The following TEAD1 variants were observed in gnomAD, a reference collection of about 807,000 sequenced individuals.
TEAD1 encodes the protein TEA domain transcription factor 1, also known as transcriptional enhancer factor TEF-1.
A neutral mutation model predicts 54.9 loss-of-function variants in TEAD1; 9 were observed. That is an observed-to-expected ratio of 0.16 (90% CI 0.10 to 0.29). TEAD1 has a LOEUF of 0.29. TEAD1 is among the 10% of genes least tolerant of loss of function. The pLI is 1.00. For synonymous variants in TEAD1, 200 were observed against 187.8 expected (o/e 1.07, Z -0.53); for missense variants, 387 against 535.9 (o/e 0.72, Z 2.74).
chr11:12,808,467 A>G (rs1946224792), intron 3 of TEAD1, among the ~76,000 whole-genome samples: 1 of 152,078 alleles, frequency 6.6e-6, no homozygotes, highest in Non-Finnish European at 1.5e-5. Flanking sequence ...CCTCTTCGCT[A>G]AGCCTCAGTT....
At chr11:12,777,641 G>A (rs934680675) in intron 3 of TEAD1, among the ~76,000 whole-genome samples, 7 of 152,360 alleles carry the variant, frequency 4.6e-5, no homozygotes, top group African/African-American at 1.7e-4. Flanking sequence ...CATGCCAGAT[G>A]TGAGGTATCG....
chr11:12,692,646 G>A (rs371255079), intron 2 of TEAD1, among the ~76,000 whole-genome samples: 3 of 152,152 alleles, frequency 2.0e-5, no homozygotes, highest in Non-Finnish European at 1.5e-5. Flanking sequence ...GAAGAGCCCC[G>A]TAATTCACAA....
At chr11:12,794,723 C>T (rs188113904) in intron 3 of TEAD1, among the ~76,000 whole-genome samples, 28 of 152,322 alleles carry the variant, frequency 1.8e-4, no homozygotes, top group East Asian at 1.4e-3. Flanking sequence ...TCCTGCAACC[C>T]GGCAGGAGCA....
At chr11:12,800,879 TA>T (rs2133975332) in intron 3 of TEAD1, among the ~76,000 whole-genome samples, 1 of 152,326 alleles carries the variant, frequency 6.6e-6, no homozygotes, top group East Asian at 1.9e-4. Context: ...GGCACTAGCC[TA>T]AGTACCCCTT....
chr11:12,739,700 C>T (rs373658794), intron 2 of TEAD1, among the ~76,000 whole-genome samples: 6 of 152,184 alleles, frequency 3.9e-5, no homozygotes, highest in African/African-American at 1.4e-4. Context: ...AACACATTAA[C>T]GAGCTCTCTA....
chr11:12,731,444 T>A (rs1446337841), intron 2 of TEAD1, among the ~76,000 whole-genome samples: 1 of 152,226 alleles, frequency 6.6e-6, no homozygotes, highest in Non-Finnish European at 1.5e-5. Flanking sequence ...TGTTTTTTTG[T>A]ATGTATGTTT....
intron 3 of TEAD1, among the ~76,000 whole-genome samples, chr11:12,797,156 G>A (rs547266173): frequency 6.6e-6 from 1 of 152,314 alleles, no homozygotes; most frequent in African/African-American, 2.4e-5. Context: ...TAGGTTTTGT[G>A]GTGAGGGGAA....
At position 12,788,246 on chromosome 11, in the gene TEAD1, C is replaced by T. The variant is rs1261134765; in HGVS notation, c.202+23812C>T. Among the ~76,000 whole-genome samples, 16 of 152,092 alleles carry T rather than the reference C, an allele frequency of 1.1e-4. No homozygotes were observed. In the East Asian group the frequency reaches 2.5e-3, roughly 24 times the overall value. ...CCGCCTCCTGGGTTCAAGCAATTCC[C>T]CTGTCTCACCCTCTCTAGTAGCTGG... On this transcript the variant is annotated intron_variant, in intron 3 of 12. Transcript: ENST00000527636.
intron 2 of TEAD1, among the ~76,000 whole-genome samples, chr11:12,761,671 G>T (rs1193697907): frequency 6.6e-6 from 1 of 152,236 alleles, no homozygotes; most frequent in East Asian, 1.9e-4. Context: ...TTTCTAGTCT[G>T]GAAGACAATT....
At chr11:12,681,539 T>G (rs1466891694) in intron 2 of TEAD1, among the ~76,000 whole-genome samples, 1 of 152,236 alleles carries the variant, frequency 6.6e-6, no homozygotes, top group African/African-American at 2.4e-5. Flanking sequence ...CCAGTGAAGC[T>G]GAAGCAAAAC....
At chr11:12,697,373 G>T (rs1943608306) in intron 2 of TEAD1, among the ~76,000 whole-genome samples, 1 of 152,216 alleles carries the variant, frequency 6.6e-6, no homozygotes, top group Non-Finnish European at 1.5e-5. Flanking sequence ...ACCCAAAGGG[G>T]TGGTGTCAGA....
intron 3 of TEAD1, 110 bp downstream of exon 3, chr11:12,764,544 T>C: frequency 6.0e-6 from 8 of 1,325,416 alleles, no homozygotes; most frequent in Non-Finnish European, 8.6e-6. Flanking sequence ...GGTTGAGTGA[T>C]ATTTGTAGAA....
At chr11:12,872,627 G>C (rs114250347) in intron 5 of TEAD1, among the ~76,000 whole-genome samples, 1 of 152,158 alleles carries the variant, frequency 6.6e-6, no homozygotes, top group African/African-American at 2.4e-5. Context: ...AGATAATTCT[G>C]TGTGAACTGA....
chr11:12,817,519 T>C (rs1411143170), intron 3 of TEAD1, among the ~76,000 whole-genome samples: 1 of 152,216 alleles, frequency 6.6e-6, no homozygotes, highest in Non-Finnish European at 1.5e-5. Context: ...ATTCGGTGCC[T>C]GTGAGTGCCG....
chr11:12,881,496 C>A (rs990600009), intron 7 of TEAD1, among the ~76,000 whole-genome samples: 1 of 152,192 alleles, frequency 6.6e-6, no homozygotes, highest in East Asian at 1.9e-4. Flanking sequence ...AGGGCTATTT[C>A]GGGATAAAAG....
At chr11:12,750,399 G>A (rs1041795464) in intron 2 of TEAD1, among the ~76,000 whole-genome samples, 1 of 152,102 alleles carries the variant, frequency 6.6e-6, no homozygotes, top group Admixed American at 6.5e-5. Context: ...TTATAAACTT[G>A]GAACACTGAA....
intron 2 of TEAD1, among the ~76,000 whole-genome samples, chr11:12,677,042 A>G (rs1590042401): frequency 6.6e-6 from 1 of 152,118 alleles, no homozygotes; most frequent in Non-Finnish European, 1.5e-5. Flanking sequence ...CTTTGACAAT[A>G]TGGGTAAAGA....
intron 2 of TEAD1, among the ~76,000 whole-genome samples, chr11:12,721,835 G>T (rs1340864357): frequency 2.2e-4 from 33 of 152,306 alleles, no homozygotes. Context: ...CCGCCCCACT[G>T]TCCAGCAGGT....
At position 12,881,066 on chromosome 11, in the gene TEAD1, G is replaced by A. The variant is rs539557904; in HGVS notation, c.512+15G>A. The A allele has an allele frequency of 1.2e-6, 2 of 1,614,080 alleles. No individual in the cohort carries two copies. The highest frequency in any genetic ancestry group is 1.7e-6 in the Non-Finnish European group (2 of 1,180,008). On this transcript the variant is annotated intron_variant, in intron 7 of 12. Coordinates refer to ENST00000527636, the MANE Select transcript of TEAD1 (RefSeq NM_021961.6). ...TCCTCACAAGAGTAAGTCTGAGGAGGGGTGGGCACTGACAACTACGGGCTG... is the reference window on the plus strand; with the variant it reads ...TCCTCACAAGAGTAAGTCTGAGGAGAGGTGGGCACTGACAACTACGGGCTG...
Sources: allele counts gnomAD v4.1 joint callset (sites outside exome capture counted in the v4.1 genomes callset), GRCh38; gene constraint gnomAD v4.1.1; transcripts MANE v1.5; gene names NCBI Gene and HGNC (gene_info 2026-07-23, HGNC 2026-07-21).